PARVB: variants seen among roughly 807,000 people sequenced by gnomAD.
PARVB encodes parvin beta, also known as beta-parvin.
Under a neutral mutation model 47.0 loss-of-function variants are expected in PARVB, and 46 were observed. That is an observed-to-expected ratio of 0.98 (90% CI 0.77 to 1.25). The LOEUF is 1.25. Among genes scored for constraint, PARVB ranks in the 50% most tolerant of loss-of-function variants. The pLI is 0.00. For missense variants in PARVB, 473 were observed against 471.6 expected, an observed-to-expected ratio of 1.00 and a Z score of -0.03; for synonymous variants, 196 against 196.3, an observed-to-expected ratio of 1.00 and a Z score of 0.01.
chr22:44,093,855 G>T lies in PARVB; in HGVS notation c.113-73G>T. ...AAAACAGGAATTGATTTCTCTCTGC[G>T]TCCACAGCCAACATGTGAGGCCACG... On this transcript the variant is annotated intron_variant, in intron 1 of 12. Coordinates refer to ENST00000338758, the MANE Select transcript of PARVB (RefSeq NM_013327.5). 5 of 856,430 alleles carry T rather than the reference G, an allele frequency of 5.8e-6. No homozygotes were observed. The South Asian group carries it at 7.7e-5, about 13-fold the overall frequency. The allele number at this position is 856,430 out of a possible 1,614,324, so 53.1% of individuals were successfully genotyped here. A position where few individuals can be genotyped will look rare whatever the true frequency, so the allele number is the denominator to read the frequency against.
rs1307433252 is a variant in PARVB, at chr22:44,155,464, C to A, written c.844-2518C>A. Among the ~76,000 whole-genome samples, 3 of 152,346 alleles carry A rather than the reference C, an allele frequency of 2.0e-5. No individual in the cohort carries two copies. Among genetic ancestry groups the A allele is most frequent in the Middle Eastern group, 3.4e-3 (1 of 294 alleles). On this transcript the variant is annotated intron_variant, in intron 10 of 12. Transcript: ENST00000338758. The surrounding 1 kb of genome is among the most constrained non-coding windows in gnomAD (Gnocchi z 4.8). ...CTCTCCTTGTGGCCGTCCCTCCCTCCTTCCTGTGAGCCCGTGTGCTGGGAC... is the reference window on the plus strand; with the variant it reads ...CTCTCCTTGTGGCCGTCCCTCCCTCATTCCTGTGAGCCCGTGTGCTGGGAC...
At chr22:43,999,730 A>C in intron 2 of PARVB, 1 of 1,243,484 alleles carries the variant, frequency 8.0e-7, no homozygotes. Flanking sequence ...GCAGTGGCTC[A>C]TGCCTGTAAC....
intron 1 of PARVB, among the ~76,000 whole-genome samples, chr22:44,042,937 G>A (rs1267115137): frequency 1.3e-5 from 2 of 152,172 alleles, no homozygotes; most frequent in Non-Finnish European, 2.9e-5. Flanking sequence ...TGTTACCGAA[G>A]GAGACTTGTG....
intron 2 of PARVB, among the ~76,000 whole-genome samples, chr22:44,013,322 C>T (rs2050543002): frequency 6.6e-6 from 1 of 152,148 alleles, no homozygotes; most frequent in Non-Finnish European, 1.5e-5. Flanking sequence ...CTTTCTTTTC[C>T]CCAAGAATTT....
chr22:44,163,666 C>T (rs1486783754), intron 11 of PARVB, among the ~76,000 whole-genome samples, 192 bp from the exon 12 acceptor site: 3 of 152,160 alleles, frequency 2.0e-5, no homozygotes, highest in Non-Finnish European at 4.4e-5. Flanking sequence ...ACCTAGTAAG[C>T]GCACATGGCC....
chr22:44,002,129 G>A (rs981791704), intron 2 of PARVB, among the ~76,000 whole-genome samples: 2 of 152,246 alleles, frequency 1.3e-5, no homozygotes, highest in Non-Finnish European at 2.9e-5. Context: ...GAGTGCAAAT[G>A]TCAACCCAGT....
intron 6 of PARVB, among the ~76,000 whole-genome samples, chr22:44,135,307 G>A (rs2053419956): frequency 6.6e-6 from 1 of 151,776 alleles, no homozygotes; most frequent in African/African-American, 2.4e-5. Context: ...CACCCAGGCT[G>A]GAGTGCAGTG....
chr22:44,030,866 G>A (rs984687681), intron 1 of PARVB, among the ~76,000 whole-genome samples: 13 of 152,092 alleles, frequency 8.5e-5, no homozygotes, highest in African/African-American at 2.7e-4. Context: ...GTCAGGGCCC[G>A]TAGAAAAGTG....
chr22:44,050,794 T>A (rs1229922792), intron 1 of PARVB, among the ~76,000 whole-genome samples: 5 of 152,200 alleles, frequency 3.3e-5, no homozygotes, highest in African/African-American at 1.2e-4. Context: ...TGGCAACACC[T>A]CTCTCACCTG....
At chr22:44,060,507 G>C (rs575977374) in intron 1 of PARVB, among the ~76,000 whole-genome samples, 1 of 152,004 alleles carries the variant, frequency 6.6e-6, no homozygotes, top group African/African-American at 2.4e-5. Flanking sequence ...TAAAAATCCT[G>C]GTGTGTCAGG....
intron 6 of PARVB, among the ~76,000 whole-genome samples, chr22:44,135,451 G>A (rs1569144672): frequency 6.6e-6 from 1 of 152,232 alleles, no homozygotes; most frequent in East Asian, 1.9e-4. Context: ...CAGAGACCGG[G>A]TTTCACCATG....
At chr22:44,087,410 T>G (rs2052048873) in intron 1 of PARVB, among the ~76,000 whole-genome samples, 1 of 152,224 alleles carries the variant, frequency 6.6e-6, no homozygotes, top group Non-Finnish European at 1.5e-5. Context: ...TGGGCCTTTG[T>G]GTCTGGGCCA....
chr22:44,137,570 G>A (rs1467065862), intron 7 of PARVB, among the ~76,000 whole-genome samples: 1 of 152,158 alleles, frequency 6.6e-6, no homozygotes, highest in Non-Finnish European at 1.5e-5. Flanking sequence ...CAATTCTGTG[G>A]GTCAGCAATT....
At position 44,148,268 on chromosome 22, in the gene PARVB, GC is replaced by G. The variant is rs535789478; in HGVS notation, c.774+348del. The G allele has an allele frequency of 1.2e-3, 452 of 363,896 alleles. 3 individuals are homozygous for G. The highest frequency in any genetic ancestry group is 8.8e-3 in the African/African-American group (416 of 47,462). The allele number at this position is 363,896 out of a possible 1,614,324, so 22.5% of individuals were successfully genotyped here. A position where few individuals can be genotyped will look rare whatever the true frequency, so the allele number is the denominator to read the frequency against. The stretch of plus-strand genomic sequence containing the variant: ...TCGCTGGCCTCATTTACCATCTACA[GC>G]CTGCCCAGTAAACACGCAGGCCTGT... On this transcript the variant is annotated intron_variant, in intron 9 of 12. Coordinates refer to ENST00000338758, the MANE Select transcript of PARVB (RefSeq NM_013327.5).
chr22:44,026,883 G>T (rs1178913374), intron 1 of PARVB, among the ~76,000 whole-genome samples: 1 of 152,158 alleles, frequency 6.6e-6, no homozygotes, highest in South Asian at 2.1e-4. Flanking sequence ...CCAGATTCAG[G>T]CAGGGGTGTG....
intron 2 of PARVB, among the ~76,000 whole-genome samples, chr22:44,001,174 C>T (rs1235574984): frequency 2.0e-5 from 3 of 152,194 alleles, no homozygotes; most frequent in Admixed American, 6.5e-5. Context: ...GGCGTGAACC[C>T]GGGAGGCGGA....
At chr22:44,083,377 G>A (rs1221364909) in intron 1 of PARVB, among the ~76,000 whole-genome samples, 1 of 152,200 alleles carries the variant, frequency 6.6e-6, no homozygotes, top group Non-Finnish European at 1.5e-5. Context: ...TGAGGCCATG[G>A]TCATGAATGG....
At chr22:44,016,479 CAATG>C (rs1397758683) in intron 2 of PARVB, among the ~76,000 whole-genome samples, 1 of 152,164 alleles carries the variant, frequency 6.6e-6, no homozygotes, top group Non-Finnish European at 1.5e-5. Context: ...GGCTGTGAGA[CAATG>C]AATCTCGGGT....
chr22:44,140,735 G>C, intron 8 of PARVB: 2 of 378,822 alleles, frequency 5.3e-6, no homozygotes, highest in South Asian at 3.8e-5. Flanking sequence ...TGAGATCACA[G>C]GTGAGTGCCC....
Sources: allele counts gnomAD v4.1 joint callset (sites outside exome capture counted in the v4.1 genomes callset), GRCh38; gene constraint gnomAD v4.1.1; non-coding constraint Gnocchi (gnomAD v3.1); transcripts MANE v1.5; gene names NCBI Gene and HGNC (gene_info 2026-07-23, HGNC 2026-07-21).